SLC8A1: variants seen among roughly 807,000 people sequenced by gnomAD.
The protein encoded by SLC8A1 is solute carrier family 8 member A1.
Under a neutral mutation model 68.3 loss-of-function variants are expected in SLC8A1, and 18 were observed. That is an observed-to-expected ratio of 0.26 (90% CI 0.18 to 0.39). SLC8A1 has a LOEUF of 0.39. Ranked by LOEUF, SLC8A1 falls within the 10% of genes least tolerant of loss-of-function variation. The pLI is 1.00. For synonymous variants in SLC8A1, 475 were observed against 415.5 expected, an observed-to-expected ratio of 1.14 and a Z score of -1.74; for missense variants, 985 against 1,156.7, an observed-to-expected ratio of 0.85 and a Z score of 2.15.
intron 2 of SLC8A1, among the ~76,000 whole-genome samples, chr2:40,375,713 T>C (rs1473527832): frequency 2.0e-5 from 3 of 152,100 alleles, no homozygotes; most frequent in African/African-American, 7.2e-5. Context: ...TATCAAGTTA[T>C]ATGCTTAGGC....
intron 2 of SLC8A1, among the ~76,000 whole-genome samples, chr2:40,344,258 G>A (rs1253294834): frequency 6.6e-6 from 1 of 152,164 alleles, no homozygotes; most frequent in Non-Finnish European, 1.5e-5. Context: ...CAATGCAAAG[G>A]AGGAGGCTCT....
chr2:40,358,047 G>GAAAAA (rs1559373862), intron 2 of SLC8A1, among the ~76,000 whole-genome samples: 1 of 105,826 alleles, frequency 9.4e-6, no homozygotes, highest in African/African-American at 3.9e-5. Context: ...TGCAACTGAA[G>GAAAAA]GAAAAAAAAA....
At chr2:40,304,896 C>G (rs887714117) in intron 2 of SLC8A1, among the ~76,000 whole-genome samples, 3 of 152,140 alleles carry the variant, frequency 2.0e-5, no homozygotes, top group Admixed American at 2.0e-4. Flanking sequence ...ACATGGACTT[C>G]CGCTTTTGAG....
chr2:40,270,221 A>G (rs1383508072), intron 2 of SLC8A1, among the ~76,000 whole-genome samples: 1 of 152,204 alleles, frequency 6.6e-6, no homozygotes, highest in African/African-American at 2.4e-5. Flanking sequence ...AGGATCAGGG[A>G]CCTTCCAGCC....
intron 2 of SLC8A1, among the ~76,000 whole-genome samples, chr2:40,315,448 T>C (rs1440962815): frequency 2.0e-5 from 3 of 151,522 alleles, no homozygotes; most frequent in Non-Finnish European, 4.4e-5. Flanking sequence ...ATTTTTTTTT[T>C]TTTTTTTGGA....
At position 40,184,883 on chromosome 2, in the gene SLC8A1, CA is replaced by C. The variant is rs1276032606; in HGVS notation, c.1809-7029del. On this transcript the variant is annotated intron_variant, in intron 2 of 7. Coordinates refer to ENST00000406785, the Ensembl canonical transcript of SLC8A1. The stretch of plus-strand genomic sequence containing the variant: ...AAACTCCTCTTACAGCTTACAAAGA[CA>C]AACTAACCAAAAACAAAAAAAAAAA... Among the ~76,000 whole-genome samples, 5 of 46,458 alleles carry C rather than the reference CA, an allele frequency of 1.1e-4. No homozygotes were observed. The Admixed American group carries it at 1.1e-3, about 10-fold the overall frequency. The allele number at this position is 46,458 out of a possible 152,430, so 30.5% of individuals were successfully genotyped here.
At chr2:40,412,077 A>G (rs1250582924) in intron 2 of SLC8A1, among the ~76,000 whole-genome samples, 2 of 152,146 alleles carry the variant, frequency 1.3e-5, no homozygotes. Flanking sequence ...TACTTTCCAA[A>G]TAAATATTTG....
In SLC8A1 at chr2:40,184,687, C is replaced by T. The variant is rs199806538; in HGVS notation, c.1809-6832G>A. On this transcript the variant is annotated intron_variant, in intron 2 of 7. Transcript: ENST00000406785. Reference sequence around the variant, plus strand: ...CTGCCACAGAGCCTCTGAGCCATGTCAATGAAGGGCCATGTCGGGAACTGG... The same window carrying T: ...CTGCCACAGAGCCTCTGAGCCATGTTAATGAAGGGCCATGTCGGGAACTGG... Among the ~76,000 whole-genome samples, 20 of 152,140 alleles carry T rather than the reference C, an allele frequency of 1.3e-4. No individual in the cohort carries two copies. In the East Asian group the frequency reaches 3.1e-3, roughly 24 times the overall value.
intron 2 of SLC8A1, among the ~76,000 whole-genome samples, chr2:40,288,545 C>T (rs1196027306): frequency 1.3e-5 from 2 of 152,054 alleles, no homozygotes; most frequent in African/African-American, 4.8e-5. Context: ...GAAAACTTCA[C>T]AGGGAGAATA....
At chr2:40,303,138 T>C (rs1269061653) in intron 2 of SLC8A1, among the ~76,000 whole-genome samples, 2 of 152,208 alleles carry the variant, frequency 1.3e-5, no homozygotes. Context: ...AGTGATGATT[T>C]CCAGAAGTAC....
chr2:40,219,336 C>G (rs2057972973), intron 2 of SLC8A1, among the ~76,000 whole-genome samples: 2 of 152,200 alleles, frequency 1.3e-5, no homozygotes, highest in Non-Finnish European at 2.9e-5. Flanking sequence ...GTAATTGTGG[C>G]AATTGCCTCA....
At chr2:40,205,816 GAA>G (rs199504864) in intron 2 of SLC8A1, among the ~76,000 whole-genome samples, 2 of 128,850 alleles carry the variant, frequency 1.6e-5, no homozygotes. Flanking sequence ...AAAATATCTT[GAA>G]AAAAAAAAAA....
intron 1 of SLC8A1, among the ~76,000 whole-genome samples, chr2:40,490,043 G>A (rs72953166): frequency 2.0e-5 from 3 of 151,812 alleles, no homozygotes; most frequent in East Asian, 1.9e-4. Flanking sequence ...TTCCCTCTCC[G>A]ATCAAAAAAC....
chr2:40,110,461 C>T (rs1324072474), exon 8 of SLC8A1: 1 of 152,118 alleles, frequency 6.6e-6, no homozygotes, highest in Non-Finnish European at 1.5e-5. Flanking sequence ...CTAAGGAATC[C>T]ACTTATAATA....
intron 7 of SLC8A1, among the ~76,000 whole-genome samples, chr2:40,134,937 G>A (rs2040198734): frequency 6.6e-6 from 1 of 152,168 alleles, no homozygotes; most frequent in Non-Finnish European, 1.5e-5. Flanking sequence ...TAATACATAA[G>A]AACTGGTTGA....
chr2:40,212,342 T>A (rs188180108), intron 2 of SLC8A1, among the ~76,000 whole-genome samples: 38 of 142,256 alleles, frequency 2.7e-4, no homozygotes, highest in African/African-American at 9.4e-4. Flanking sequence ...TGGAATGCAG[T>A]GGTGCGATCT....
intron 7 of SLC8A1, among the ~76,000 whole-genome samples, chr2:40,130,353 G>A (rs534537904): frequency 3.2e-4 from 48 of 152,346 alleles, no homozygotes; most frequent in African/African-American, 1.1e-3. Flanking sequence ...GTTTGCCTTT[G>A]CAGGCTTCCT....
At chr2:40,452,952 C>T (rs374771404), upstream of SLC8A1, among the ~76,000 whole-genome samples, 4 of 152,126 alleles carry the variant, frequency 2.6e-5, no homozygotes, top group African/African-American at 9.7e-5. Flanking sequence ...ATGCAGCAAT[C>T]GACGAACCAT....
intron 2 of SLC8A1, among the ~76,000 whole-genome samples, chr2:40,327,738 C>T (rs145943850): frequency 5.9e-5 from 9 of 152,024 alleles, no homozygotes; most frequent in East Asian, 3.9e-4. Context: ...GAGAATAATA[C>T]GACACTGGGG....
Sources: allele counts gnomAD v4.1 joint callset (sites outside exome capture counted in the v4.1 genomes callset), GRCh38; gene constraint gnomAD v4.1.1; transcripts MANE v1.5; gene names NCBI Gene and HGNC (gene_info 2026-07-23, HGNC 2026-07-21).